UGGT1: variants seen among roughly 807,000 people sequenced by gnomAD.
The protein encoded by UGGT1 is UDP-glucose:glycoprotein glucosyltransferase 1.
UGGT1 carries 107 observed loss-of-function variants against 203.9 expected under a neutral mutation model. The ratio of observed to expected loss-of-function variants is 0.52; its 90% confidence interval spans 0.45 to 0.62. The LOEUF (loss-of-function observed/expected upper bound fraction) is 0.62, where lower values mean the gene tolerates loss of function less well. Ranked by LOEUF, UGGT1 falls within the 20% of genes least tolerant of loss-of-function variation. UGGT1 has a pLI of 0.00. For missense variants in UGGT1, 1,673 were observed against 1,867.2 expected (o/e 0.90, Z 1.92); for synonymous variants, 628 against 653.5 (o/e 0.96, Z 0.59).
intron 22 of UGGT1, among the ~76,000 whole-genome samples, chr2:128,158,672 G>A (rs1284491415): frequency 1.3e-5 from 2 of 152,242 alleles, no homozygotes; most frequent in African/African-American, 2.4e-5. Context: ...GAATATTCTC[G>A]TATGTCTTTT....
At chr2:128,130,580 C>G (rs1688827624) in intron 13 of UGGT1, among the ~76,000 whole-genome samples, 1 of 152,042 alleles carries the variant, frequency 6.6e-6, no homozygotes, top group South Asian at 2.1e-4. Context: ...AACCATAGGA[C>G]CCATCATCAT....
At chr2:128,180,758 C>A in intron 35 of UGGT1, 132 bp from the exon 36 acceptor site, 1 of 875,362 alleles carries the variant, frequency 1.1e-6, no homozygotes, top group Non-Finnish European at 1.7e-6. Flanking sequence ...GGGTCACGGC[C>A]GGTCTTTGTA....
intron 7 of UGGT1, 51 bp from the exon 8 acceptor site, chr2:128,116,214 G>C: frequency 7.9e-7 from 1 of 1,265,724 alleles, no homozygotes; most frequent in Non-Finnish European, 1.1e-6. Context: ...TAACGTTTTT[G>C]TTTCAAATCT....
chr2:128,187,156 T>C (rs748759), intron 39 of UGGT1: 7 of 307,120 alleles, frequency 2.3e-5, no homozygotes, highest in Non-Finnish European at 3.6e-5. Flanking sequence ...GGGACTGTTT[T>C]CACAACTTAC....
At chr2:128,178,997 A>G (rs899236116) in intron 34 of UGGT1, among the ~76,000 whole-genome samples, 2 of 152,196 alleles carry the variant, frequency 1.3e-5, no homozygotes, top group African/African-American at 4.8e-5. Context: ...TTTTATAAAC[A>G]GGCTGAGGCC....
chr2:128,157,623 A>G (rs1189724487), intron 22 of UGGT1, among the ~76,000 whole-genome samples: 1 of 152,202 alleles, frequency 6.6e-6, no homozygotes, highest in Non-Finnish European at 1.5e-5. Flanking sequence ...ATACCTGTTC[A>G]TGTTCTTGGA....
Position 128,097,440 on chromosome 2 carries a change from A to G in UGGT1, c.70A>G (p.Lys24Glu). 1 of 1,605,602 alleles carries G rather than the reference A, an allele frequency of 6.2e-7. No homozygotes were observed. Among genetic ancestry groups the G allele is most frequent in the Non-Finnish European group, 8.5e-7 (1 of 1,177,978 alleles). ...TTTTTTCCTTTTAGGAGTTTGCTAT[A>G]AAATGGGAGTTCTGGTTGTACTCAC... ...GALPVTGVCY[K>E]MGVLVVLTVL... is the part of the protein sequence containing the mutation. The change falls in exon 2 of 41, where the codon AAA becomes GAA. Residue 24 changes from lysine to glutamate, a missense_variant. Physicochemically the swap from Lys to Glu is moderately conservative, Grantham distance 56 (BLOSUM62 1). Coordinates refer to ENST00000259253, the MANE Select transcript of UGGT1 (RefSeq NM_020120.4).
chr2:128,131,547 CTT>C lies in UGGT1; in HGVS notation c.1378-1590_1378-1589del, dbSNP rs2105422606. Among the ~76,000 whole-genome samples the C allele has an allele frequency of 2.0e-5, 3 of 152,160 alleles. No individual in the cohort carries two copies. The East Asian group carries it at 5.8e-4, about 29-fold the overall frequency. ...CTTTAATTAGGCTCTTTTTTCCTCT[CTT>C]TTTGTGTATACATGTGAATTTATTT... On this transcript the variant is annotated intron_variant, in intron 13 of 40. Coordinates refer to ENST00000259253, the MANE Select transcript of UGGT1 (RefSeq NM_020120.4).
intron 13 of UGGT1, among the ~76,000 whole-genome samples, chr2:128,132,159 TTA>T (rs1688909966): frequency 1.3e-5 from 2 of 152,218 alleles, no homozygotes; most frequent in Admixed American, 1.3e-4. Context: ...TACACATTTC[TTA>T]TGTTTATTGC....
chr2:128,152,722 G>A (rs1248633268), intron 18 of UGGT1, 62 bp from the exon 19 acceptor site: 1 of 1,559,658 alleles, frequency 6.4e-7, no homozygotes, highest in East Asian at 2.3e-5. Flanking sequence ...GGTTCCTAAT[G>A]AATTATTATT....
At chr2:128,153,989 C>T (rs774617510) in intron 19 of UGGT1, among the ~76,000 whole-genome samples, 8 of 151,848 alleles carry the variant, frequency 5.3e-5, no homozygotes, top group South Asian at 4.2e-4. Context: ...TGGTTGTTAA[C>T]GTAATGCACT....
At chr2:128,097,375 A>C (rs1438447688) in intron 1 of UGGT1, 54 bp from the exon 2 acceptor site, 18 of 323,624 alleles carry the variant, frequency 5.6e-5, no homozygotes, top group Non-Finnish European at 8.8e-5. Context: ...ACTGCGTCTC[A>C]AAAAAAAAAA....
chr2:128,171,730 A>G lies in UGGT1; in HGVS notation c.3104+446A>G, dbSNP rs145959936. On this transcript the variant is annotated intron_variant, in intron 28 of 40. Transcript: ENST00000259253. ...ACCATGTTGACCAGCCTGGTCTCGA[A>G]CTCCTGACCTCAAGTGATCCGTCTG... is the stretch of plus-strand genomic sequence containing the variant. Among the ~76,000 whole-genome samples, 1,508 of 151,596 alleles carry G rather than the reference A, an allele frequency of 9.9e-3. 13 individuals carry two copies. Among genetic ancestry groups the G allele is most frequent in the Middle Eastern group, 0.045 (13 of 292 alleles).
chr2:128,116,098 A>G (rs1334062732), intron 7 of UGGT1, among the ~76,000 whole-genome samples, 167 bp from the exon 8 acceptor site: 1 of 152,196 alleles, frequency 6.6e-6, no homozygotes, highest in African/African-American at 2.4e-5. Flanking sequence ...TGTTTAAAGA[A>G]CCATTGCCAA....
At chr2:128,189,042 C>T (rs1159496517) in intron 40 of UGGT1, among the ~76,000 whole-genome samples, 1 of 152,122 alleles carries the variant, frequency 6.6e-6, no homozygotes, top group Non-Finnish European at 1.5e-5. Flanking sequence ...TTTGAGGAAA[C>T]AGTAATCAAA....
At position 128,091,410 on chromosome 2, in the gene UGGT1, T is replaced by A. The variant is rs1686853932; in HGVS notation, c.53T>A (p.Val18Glu). The A allele has an allele frequency of 1.9e-6, 3 of 1,581,516 alleles. No homozygotes were observed. Among genetic ancestry groups the A allele is most frequent in the Non-Finnish European group, 2.6e-6 (3 of 1,163,934 alleles). The change falls in exon 1 of 41, where the codon GTG becomes GAG. Residue 18 changes from valine (V) to glutamate (E), a missense_variant. By Grantham distance (121) the Val-to-Glu change is moderately radical. Coordinates refer to ENST00000259253, the MANE Select transcript of UGGT1 (RefSeq NM_020120.4). ...SGACAAGALP[V>E]TGVCYKMGVL... Reference sequence around the variant, plus strand: ...GCGTGTGCCGCGGGTGCGCTGCCGGTGACAGGTACCCAGGGGTGGCGTGAG... The same window carrying A: ...GCGTGTGCCGCGGGTGCGCTGCCGGAGACAGGTACCCAGGGGTGGCGTGAG...
At chr2:128,099,072 G>C (rs529347479) in intron 2 of UGGT1, among the ~76,000 whole-genome samples, 57 of 152,336 alleles carry the variant, frequency 3.7e-4, no homozygotes, top group African/African-American at 1.3e-3. Context: ...GAACGTGCTA[G>C]AAATTTGGAC....
intron 1 of UGGT1, among the ~76,000 whole-genome samples, chr2:128,094,703 G>A (rs1687025515): frequency 6.7e-6 from 1 of 149,378 alleles, no homozygotes; most frequent in East Asian, 2.0e-4. Context: ...GGGCCTGTGG[G>A]AAAGGGTGTC....
intron 1 of UGGT1, among the ~76,000 whole-genome samples, chr2:128,095,024 C>T (rs1295784008): frequency 6.6e-6 from 1 of 152,144 alleles, no homozygotes; most frequent in Non-Finnish European, 1.5e-5. Context: ...GCTGGGATTA[C>T]AGGCGTGAGC....
Sources: allele counts gnomAD v4.1 joint callset (sites outside exome capture counted in the v4.1 genomes callset), GRCh38; gene constraint gnomAD v4.1.1; transcripts MANE v1.5; gene names NCBI Gene and HGNC (gene_info 2026-07-23, HGNC 2026-07-21).